Variants in TNFAIP8 observed in about 807,000 individuals in gnomAD.
TNFAIP8 encodes the protein TNF alpha induced protein 8, also known as tumor necrosis factor alpha-induced protein 8.
Under a neutral mutation model 13.3 loss-of-function variants are expected in TNFAIP8, and 7 were observed. The observed-to-expected ratio is 0.52, with a 90% confidence interval of 0.30 to 0.99. The LOEUF (loss-of-function observed/expected upper bound fraction) is 0.99, where lower values mean the gene tolerates loss of function less well. Among genes scored for constraint, TNFAIP8 ranks in the 50% least tolerant of loss-of-function variants. TNFAIP8 has a pLI of 0.07. For synonymous variants in TNFAIP8, 94 were observed against 87.6 expected, an observed-to-expected ratio of 1.07 and a Z score of -0.41; for missense variants, 258 against 236.9, an observed-to-expected ratio of 1.09 and a Z score of -0.58.
At chr5:119,352,009 C>G (rs375037326), upstream of TNFAIP8, among the ~76,000 whole-genome samples, 2 of 151,940 alleles carry the variant, frequency 1.3e-5, no homozygotes, top group Non-Finnish European at 2.9e-5. Context: ...AGGCTGGTCT[C>G]GAACTCCTGA....
In TNFAIP8 at chr5:119,392,813, T is replaced by G. The variant is rs969669174; in HGVS notation, c.32-3T>G. Reference sequence around the variant, plus strand: ...TTCTTTTCCTCTCTTTTTTTTTTTTTAGTGGCCACAGATGTCTTTAATTCC... The same window carrying G: ...TTCTTTTCCTCTCTTTTTTTTTTTTGAGTGGCCACAGATGTCTTTAATTCC... On this transcript the variant is annotated splice_region_variant and splice_polypyrimidine_tract_variant and intron_variant, in intron 1 of 1. Transcript: ENST00000504771. 6.7e-7 allele frequency: 1 copy of G among 1,501,718 alleles called. No individual in the cohort carries two copies. The highest frequency in any genetic ancestry group is 1.7e-4 in the Middle Eastern group (1 of 5,740). 93.0% of individuals were successfully genotyped at this position (1,501,718 alleles called of 1,614,324 possible).
intron 1 of TNFAIP8, among the ~76,000 whole-genome samples, chr5:119,289,583 G>T (rs1748920815): frequency 6.6e-6 from 1 of 152,206 alleles, no homozygotes. Flanking sequence ...GGCACAAGGG[G>T]ATTCTACCAG....
intron 1 of TNFAIP8, among the ~76,000 whole-genome samples, chr5:119,383,362 A>T (rs906120633): frequency 6.6e-6 from 1 of 152,218 alleles, no homozygotes; most frequent in African/African-American, 2.4e-5. Flanking sequence ...CCTTTGGATG[A>T]TAAATTATCT....
At chr5:119,368,968 A>G (rs1751973120) in intron 1 of TNFAIP8, among the ~76,000 whole-genome samples, 1 of 152,056 alleles carries the variant, frequency 6.6e-6, no homozygotes, top group African/African-American at 2.4e-5. Context: ...CCTCTACCCT[A>G]AATACCCTAT....
intron 1 of TNFAIP8, among the ~76,000 whole-genome samples, chr5:119,377,090 G>A (rs1208883856): frequency 6.6e-6 from 1 of 152,124 alleles, no homozygotes; most frequent in African/African-American, 2.4e-5. Flanking sequence ...GCACATAACA[G>A]TTGCTTAATA....
chr5:119,366,087 G>A (rs909705161), intron 1 of TNFAIP8, among the ~76,000 whole-genome samples: 1 of 151,456 alleles, frequency 6.6e-6, no homozygotes, highest in Non-Finnish European at 1.5e-5. Flanking sequence ...GAGAGCCTCC[G>A]AGGGAAGAAG....
chr5:119,298,826 A>G (rs1258875351), intron 1 of TNFAIP8, among the ~76,000 whole-genome samples: 2 of 151,870 alleles, frequency 1.3e-5, no homozygotes, highest in South Asian at 4.2e-4. Flanking sequence ...TTTTTTCTCT[A>G]AACTTCCCTT....
chr5:119,338,165 G>GACACACACACACACAC lies in TNFAIP8; in HGVS notation c.2-54620_2-54605dup, dbSNP rs367789572. On this transcript the variant is annotated intron_variant, in intron 1 of 1. Coordinates refer to the TNFAIP8 transcript ENST00000274456. ...ATTCCAGATTGGAATCTGGAACTTT[G>GACACACACACACACAC]ACACACACACACACACACACACACA... Among the ~76,000 whole-genome samples the GACACACACACACACAC allele has an allele frequency of 1.5e-3, 184 of 125,226 alleles. 2 individuals are homozygous for GACACACACACACACAC. Among genetic ancestry groups the GACACACACACACACAC allele is most frequent in the Non-Finnish European group, 1.8e-3 (109 of 59,856 alleles). The allele number at this position is 125,226 out of a possible 152,430, so 82.2% of individuals were successfully genotyped here.
intron 1 of TNFAIP8, among the ~76,000 whole-genome samples, chr5:119,291,863 A>G (rs1162540366): frequency 6.6e-6 from 1 of 152,212 alleles, no homozygotes; most frequent in Non-Finnish European, 1.5e-5. Context: ...ATCTCCCTCA[A>G]ACTAAAAGAA....
chr5:119,330,672 T>C (rs1171576707), intron 1 of TNFAIP8, among the ~76,000 whole-genome samples: 1 of 152,106 alleles, frequency 6.6e-6, no homozygotes, highest in African/African-American at 2.4e-5. Context: ...ATGATGTAAG[T>C]GATAGTCTCT....
In TNFAIP8 at chr5:119,392,991, G is replaced by A; in HGVS notation, c.207G>A (p.Glu69=). The change falls in exon 2 of 2, where the codon GAG becomes GAA. Residue 69 remains glutamate, a synonymous_variant. Coordinates refer to ENST00000504771, the MANE Select transcript of TNFAIP8 (RefSeq NM_014350.4). ...ACACCCAAAACAAGAAGGAGGCAGAGAAGATCATCAAGAACCTCATCAAGA... is the reference window on the plus strand; with the variant it reads ...ACACCCAAAACAAGAAGGAGGCAGAAAAGATCATCAAGAACCTCATCAAGA... The part of the protein sequence containing the change: ...REYTQNKKEA[E]KIIKNLIKTV... 3.7e-6 allele frequency: 6 copies of A among 1,612,932 alleles called. No homozygotes were observed. The highest frequency in any genetic ancestry group is 5.1e-6 in the Non-Finnish European group (6 of 1,179,458).
intron 1 of TNFAIP8, among the ~76,000 whole-genome samples, chr5:119,300,848 T>G (rs964201798): frequency 1.3e-5 from 2 of 152,180 alleles, no homozygotes; most frequent in Non-Finnish European, 2.9e-5. Context: ...GCTTTCTTTA[T>G]GGAATCTATG....
intron 1 of TNFAIP8, among the ~76,000 whole-genome samples, chr5:119,387,702 A>G (rs1184245708): frequency 6.6e-6 from 1 of 152,204 alleles, no homozygotes; most frequent in Admixed American, 6.5e-5. Flanking sequence ...TTTTGATGCT[A>G]AAGCCAGAAT....
At chr5:119,297,017 T>C (rs1019672119) in intron 1 of TNFAIP8, among the ~76,000 whole-genome samples, 5 of 152,152 alleles carry the variant, frequency 3.3e-5, no homozygotes, top group African/African-American at 1.2e-4. Flanking sequence ...TCTTCTCTCT[T>C]TTTTTCTTTA....
At chr5:119,302,628 C>T (rs541714761) in intron 1 of TNFAIP8, among the ~76,000 whole-genome samples, 3 of 152,272 alleles carry the variant, frequency 2.0e-5, no homozygotes, top group African/African-American at 7.2e-5. Flanking sequence ...GTGGACATTT[C>T]GTGAGCTCAT....
At chr5:119,342,514 GT>G (rs201661949) in intron 1 of TNFAIP8, among the ~76,000 whole-genome samples, 1 of 151,410 alleles carries the variant, frequency 6.6e-6, no homozygotes, top group East Asian at 1.9e-4. Context: ...AATTTGCAGG[GT>G]TTTTTTTTGA....
intron 1 of TNFAIP8, chr5:119,306,603 G>T (rs1372124081): frequency 6.6e-6 from 1 of 151,934 alleles, no homozygotes; most frequent in Non-Finnish European, 1.5e-5. Context: ...AAGTAGCTGG[G>T]ACTATGGGCA....
At chr5:119,299,967 G>T (rs6892980) in intron 1 of TNFAIP8, among the ~76,000 whole-genome samples, 2 of 152,200 alleles carry the variant, frequency 1.3e-5, no homozygotes, top group Admixed American at 1.3e-4. Context: ...TCGGAAAAGC[G>T]CAGTATTAGC....
In TNFAIP8 at chr5:119,397,054, C is replaced by T. The variant is rs758818931; in HGVS notation, c.*3673C>T. ...GAACTTTGATCGTACAGAAATATTG[C>T]GTTTTAAACTCTTATATAATAGTAT... On this transcript the variant is annotated 3_prime_UTR_variant, in exon 2 of 2. Transcript: ENST00000504771. The T allele has an allele frequency of 1.4e-5, 2 of 145,632 alleles. No homozygotes were observed. The highest frequency in any genetic ancestry group is 2.2e-4 in the South Asian group (1 of 4,510). 9.0% of individuals were successfully genotyped at this position (145,632 alleles called of 1,614,324 possible).
Sources: gnomAD v4.1 joint callset for allele counts (sites outside exome capture counted in the v4.1 genomes callset) on GRCh38, gnomAD v4.1.1 for gene constraint, MANE v1.5 for transcripts, NCBI Gene and HGNC (gene_info 2026-07-23, HGNC 2026-07-21) for gene names.